The following SPATS2 variants were observed in gnomAD, a reference collection of about 807,000 sequenced individuals.
The protein encoded by SPATS2 is spermatogenesis associated serine rich 2, also known as spermatogenesis-associated serine-rich protein 2.
SPATS2 carries 38 observed loss-of-function variants against 63.7 expected under a neutral mutation model. That is an observed-to-expected ratio of 0.60 (90% CI 0.46 to 0.78). The LOEUF (loss-of-function observed/expected upper bound fraction) is 0.78. SPATS2 is among the 30% of genes least tolerant of loss of function. The pLI is 0.00. For synonymous variants in SPATS2, 207 were observed against 232.9 expected (o/e 0.89, Z 1.01); for missense variants, 588 against 666.2 (o/e 0.88, Z 1.29).
At chr12:49,444,863 C>G (rs899903893) in intron 2 of SPATS2, among the ~76,000 whole-genome samples, 1 of 152,208 alleles carries the variant, frequency 6.6e-6, no homozygotes, top group East Asian at 1.9e-4. Context: ...CTCAGCCTCC[C>G]AAAGTGCAGG....
At chr12:49,467,965 C>T (rs914172286) in intron 3 of SPATS2, among the ~76,000 whole-genome samples, 1 of 152,028 alleles carries the variant, frequency 6.6e-6, no homozygotes, top group African/African-American at 2.4e-5. Context: ...GATCTCCTGA[C>T]CTCGTGATCC....
intron 2 of SPATS2, among the ~76,000 whole-genome samples, chr12:49,434,451 C>G (rs1004797894): frequency 6.6e-6 from 1 of 152,174 alleles, no homozygotes; most frequent in African/African-American, 2.4e-5. Flanking sequence ...CTCCTCCTCC[C>G]CGCCAGCCCT....
At chr12:49,436,042 C>T (rs1410723768) in intron 2 of SPATS2, among the ~76,000 whole-genome samples, 1 of 151,492 alleles carries the variant, frequency 6.6e-6, no homozygotes, top group African/African-American at 2.4e-5. Context: ...ATGTCTACCT[C>T]TTTCTACACA....
chr12:49,514,069 A>G (rs1042094630), intron 9 of SPATS2, among the ~76,000 whole-genome samples: 2 of 151,948 alleles, frequency 1.3e-5, no homozygotes, highest in Admixed American at 1.3e-4. Context: ...AGGCAGGAGA[A>G]TGGCGTGAAC....
chr12:49,439,418 G>C (rs536721230), intron 2 of SPATS2, among the ~76,000 whole-genome samples: 3 of 152,266 alleles, frequency 2.0e-5, no homozygotes, highest in Non-Finnish European at 4.4e-5. Flanking sequence ...AGAGAAGCAG[G>C]GAACTCAGGA....
chr12:49,467,040 C>CTTTTTTTTTTT (rs1272353375), intron 3 of SPATS2, among the ~76,000 whole-genome samples: 1 of 94,682 alleles, frequency 1.1e-5, no homozygotes, highest in African/African-American at 3.9e-5. Context: ...ATAATTTGTT[C>CTTTTTTTTTTT]TTTGTTTTTT....
At position 49,388,310 on chromosome 12, in the gene SPATS2, A is replaced by G. The variant is rs1415720548; in HGVS notation, c.-244+17020A>G. 2.6e-5 allele frequency among the ~76,000 whole-genome samples: 4 copies of G among 152,006 alleles called. No homozygotes were observed. In the East Asian group the frequency reaches 7.7e-4, roughly 29 times the overall value. On this transcript the variant is annotated intron_variant, in intron 2 of 13. Transcript: ENST00000552918. ...TTTCATATTTAATGTGATTACTGATAGTTTACACTTATTTCTGCTGTTTTC... is the reference window on the plus strand; with the variant it reads ...TTTCATATTTAATGTGATTACTGATGGTTTACACTTATTTCTGCTGTTTTC...
chr12:49,496,730 A>T, intron 7 of SPATS2, 103 bp from the exon 8 acceptor site: 2 of 1,165,428 alleles, frequency 1.7e-6, no homozygotes, highest in Non-Finnish European at 2.4e-6. Context: ...TTTAAGAGGC[A>T]TGGTTTTGCC....
At chr12:49,421,184 C>T (rs1944974514) in intron 2 of SPATS2, among the ~76,000 whole-genome samples, 1 of 152,124 alleles carries the variant, frequency 6.6e-6, no homozygotes, top group Non-Finnish European at 1.5e-5. Context: ...CTTTGGGAGG[C>T]CGAGGCGGGC....
intron 2 of SPATS2, chr12:49,389,969 C>T: frequency 1.2e-6 from 1 of 819,232 alleles, no homozygotes; most frequent in Non-Finnish European, 2.2e-6. Flanking sequence ...ATGAAGAAAG[C>T]CATTGAAATT....
At chr12:49,493,467 G>T (rs1946417631) in intron 6 of SPATS2, among the ~76,000 whole-genome samples, 1 of 150,788 alleles carries the variant, frequency 6.6e-6, no homozygotes, top group African/African-American at 2.4e-5. Context: ...AGTGGTGCAA[G>T]CTCAGCTCAC....
intron 4 of SPATS2, chr12:49,486,435 G>A (rs777971402): frequency 1.4e-4 from 38 of 279,732 alleles, no homozygotes; most frequent in South Asian, 7.3e-4. Context: ...AATCTCCTGC[G>A]TGATCCACCC....
intron 11 of SPATS2, among the ~76,000 whole-genome samples, chr12:49,520,832 C>T (rs1946929689): frequency 6.6e-6 from 1 of 151,880 alleles, no homozygotes; most frequent in Non-Finnish European, 1.5e-5. Context: ...GATTCTCGTG[C>T]CTCAGCCTCC....
At chr12:49,512,955 A>G in intron 9 of SPATS2, 1 of 1,270,646 alleles carries the variant, frequency 7.9e-7, no homozygotes, top group East Asian at 5.6e-5. Context: ...CAATAATTGT[A>G]TCTTCTCTCC....
intron 3 of SPATS2, among the ~76,000 whole-genome samples, chr12:49,474,048 C>T (rs2137771098): frequency 6.6e-6 from 1 of 152,290 alleles, no homozygotes; most frequent in South Asian, 2.1e-4. Context: ...GGTAGTAGTA[C>T]TTGGGTATTT....
chr12:49,395,657 C>T (rs1368085683), intron 2 of SPATS2, among the ~76,000 whole-genome samples: 2 of 151,458 alleles, frequency 1.3e-5, no homozygotes, highest in South Asian at 2.1e-4. Context: ...AACTCCTGAC[C>T]GCAGGTGATC....
At chr12:49,492,959 G>T (rs190100371) in intron 6 of SPATS2, among the ~76,000 whole-genome samples, 1 of 152,170 alleles carries the variant, frequency 6.6e-6, no homozygotes. Context: ...TTAGCTGGGT[G>T]TGGTGGCACA....
rs1946366982 is a variant in SPATS2, at chr12:49,490,679, C to T, written c.215-3C>T. 4 of 1,613,706 alleles carry T rather than the reference C, an allele frequency of 2.5e-6. No individual in the cohort carries two copies. The highest frequency in any genetic ancestry group is 2.2e-5 in the East Asian group (1 of 44,860). The stretch of plus-strand genomic sequence containing the variant: ...CAAAATCTGTAATTGGTTTCTCTTA[C>T]AGGTAGTGCCAGTGAAGTACTCAAA... On this transcript the variant is annotated splice_polypyrimidine_tract_variant and splice_region_variant and intron_variant, in intron 5 of 13. Transcript: ENST00000552918.
chr12:49,438,732 G>A (rs1945362089), intron 2 of SPATS2, among the ~76,000 whole-genome samples: 3 of 152,178 alleles, frequency 2.0e-5, no homozygotes, highest in Admixed American at 2.0e-4. Flanking sequence ...ACATTTAAGT[G>A]TATGGCTTAA....
Sources: gnomAD v4.1 joint callset for allele counts (sites outside exome capture counted in the v4.1 genomes callset) on GRCh38, gnomAD v4.1.1 for gene constraint, MANE v1.5 for transcripts, NCBI Gene and HGNC (gene_info 2026-07-23, HGNC 2026-07-21) for gene names.